The following TBC1D5 variants were observed in gnomAD, a reference collection of about 807,000 sequenced individuals.
The protein encoded by TBC1D5 is TBC1 domain family, member 5.
TBC1D5 carries 75 observed loss-of-function variants against 100.3 expected under a neutral mutation model. That is an observed-to-expected ratio of 0.75 (90% CI 0.62 to 0.91). TBC1D5 has a LOEUF of 0.91. Ranked by LOEUF, TBC1D5 falls within the 40% of genes least tolerant of loss-of-function variation. TBC1D5 has a pLI of 0.00. For missense variants in TBC1D5, 910 were observed against 942.4 expected (o/e 0.97, Z 0.45); for synonymous variants, 323 against 325.6 (o/e 0.99, Z 0.09).
chr3:17,245,900 G>A lies in TBC1D5; in HGVS notation c.1332-7481C>T, dbSNP rs1410620476. On this transcript the variant is annotated intron_variant, in intron 16 of 21. Transcript: ENST00000253692. ...TCCCATAAATAACCATGGTTCACAC[G>A]AGCAGCATCTCTAGAGCATTAGGGA... Among the ~76,000 whole-genome samples the A allele has an allele frequency of 2.0e-5, 3 of 152,164 alleles. No individual in the cohort carries two copies. In the South Asian group the frequency reaches 6.2e-4, roughly 32 times the overall value.
exon 17 of TBC1D5, chr3:17,238,289 T>C (rs960011174): frequency 3.7e-6 from 6 of 1,613,936 alleles, no homozygotes; most frequent in Non-Finnish European, 4.2e-6. Flanking sequence ...GAGGAGCTAC[T>C]GCTGTTGCCT....
intron 2 of TBC1D5, among the ~76,000 whole-genome samples, chr3:17,558,156 A>G (rs80348969): frequency 6.6e-6 from 1 of 152,334 alleles, no homozygotes; most frequent in East Asian, 1.9e-4. Flanking sequence ...ACGAAAGTCA[A>G]CTCTAAAATT....
intron 2 of TBC1D5, among the ~76,000 whole-genome samples, chr3:17,521,269 A>T (rs2096060657): frequency 6.6e-6 from 1 of 152,056 alleles, no homozygotes; most frequent in African/African-American, 2.4e-5. Context: ...TTCTGCATGT[A>T]CCTCTCCTGA....
intron 3 of TBC1D5, among the ~76,000 whole-genome samples, chr3:17,439,247 G>A (rs1222485013): frequency 6.6e-6 from 1 of 152,100 alleles, no homozygotes; most frequent in African/African-American, 2.4e-5. Flanking sequence ...TATTAGATAT[G>A]TCCCATTTTA....
intron 2 of TBC1D5, among the ~76,000 whole-genome samples, chr3:17,577,508 AT>A (rs2096664791): frequency 6.6e-6 from 1 of 151,956 alleles, no homozygotes; most frequent in African/African-American, 2.4e-5. Context: ...GTATTTAGAA[AT>A]TTTTAAAAAC....
intron 2 of TBC1D5, among the ~76,000 whole-genome samples, chr3:17,529,507 G>A (rs1329595578): frequency 2.0e-5 from 3 of 152,044 alleles, no homozygotes; most frequent in Non-Finnish European, 4.4e-5. Context: ...AGGGTGGGGG[G>A]AAGAGGGTAT....
chr3:17,626,983 T>C lies in TBC1D5; in HGVS notation c.-100-3070A>G, dbSNP rs146740257. Reference sequence around the variant, plus strand: ...AGATTGTCTGGGTAAAAGCAATGCTTTAGGAAGATTAATCTGATGGCAATG... The same window carrying C: ...AGATTGTCTGGGTAAAAGCAATGCTCTAGGAAGATTAATCTGATGGCAATG... On this transcript the variant is annotated intron_variant, in intron 1 of 21. Transcript: ENST00000253692. Among the ~76,000 whole-genome samples the C allele has an allele frequency of 1.6e-4, 25 of 152,138 alleles. No homozygotes were observed. In the East Asian group the frequency reaches 4.8e-3, roughly 29 times the overall value.
chr3:17,654,595 C>A (rs891495393), intron 1 of TBC1D5, among the ~76,000 whole-genome samples: 1 of 152,202 alleles, frequency 6.6e-6, no homozygotes, highest in African/African-American at 2.4e-5. Context: ...CATCAATGTT[C>A]ATCAAGGATA....
chr3:17,518,297 C>A (rs1212908534), intron 2 of TBC1D5, among the ~76,000 whole-genome samples: 1 of 152,162 alleles, frequency 6.6e-6, no homozygotes, highest in East Asian at 1.9e-4. Context: ...CATGGCCCAC[C>A]CTGCCCCTTC....
At chr3:17,580,551 A>G (rs963878942) in intron 2 of TBC1D5, among the ~76,000 whole-genome samples, 1 of 152,058 alleles carries the variant, frequency 6.6e-6, no homozygotes, top group Non-Finnish European at 1.5e-5. Context: ...TGATCTCTCT[A>G]CTTGTACACA....
At chr3:17,247,951 T>G (rs1011641236) in intron 16 of TBC1D5, among the ~76,000 whole-genome samples, 13 of 152,084 alleles carry the variant, frequency 8.5e-5, no homozygotes, top group African/African-American at 2.7e-4. Flanking sequence ...TCTAGTTCTC[T>G]TGCTATTTTC....
chr3:17,692,541 A>T (rs1359530815), intron 1 of TBC1D5, among the ~76,000 whole-genome samples: 1 of 152,238 alleles, frequency 6.6e-6, no homozygotes, highest in African/African-American at 2.4e-5. Flanking sequence ...AGAATAAAAG[A>T]GGTCTAAACA....
At chr3:17,558,698 T>C (rs1196757287) in intron 2 of TBC1D5, among the ~76,000 whole-genome samples, 2 of 152,188 alleles carry the variant, frequency 1.3e-5, no homozygotes, top group Non-Finnish European at 2.9e-5. Context: ...ATAGTAAATA[T>C]CTTAGGCTCT....
chr3:17,379,103 T>C (rs988710409), intron 9 of TBC1D5, among the ~76,000 whole-genome samples: 4 of 151,808 alleles, frequency 2.6e-5, no homozygotes, highest in Non-Finnish European at 4.4e-5. Flanking sequence ...CTTTTTTTTT[T>C]CAAATTTATC....
chr3:17,515,278 T>A (rs1011291711), intron 2 of TBC1D5, among the ~76,000 whole-genome samples: 1 of 152,158 alleles, frequency 6.6e-6, no homozygotes, highest in South Asian at 2.1e-4. Flanking sequence ...TGTGGGGCAA[T>A]CCTTCTAAAA....
chr3:17,721,459 A>ATG lies in TBC1D5; in HGVS notation c.-101+17882_-101+17883dup, dbSNP rs59017875. Among the ~76,000 whole-genome samples the ATG allele has an allele frequency of 8.8e-3, 1,308 of 149,022 alleles. 9 individuals carry two copies. Among genetic ancestry groups the ATG allele is most frequent in the Middle Eastern group, 0.024 (7 of 292 alleles). Reference sequence around the variant, plus strand: ...GACAGAAAAGTAAGTGTGTGAGAGCATGTGTGTGTGTGTGTGTGTGTGTGT... The same window carrying ATG: ...GACAGAAAAGTAAGTGTGTGAGAGCATGTGTGTGTGTGTGTGTGTGTGTGTGT... On this transcript the variant is annotated intron_variant, in intron 1 of 21. Transcript: ENST00000253692.
chr3:17,276,216 G>A (rs2079995341), intron 15 of TBC1D5, among the ~76,000 whole-genome samples: 2 of 152,178 alleles, frequency 1.3e-5, no homozygotes, highest in Non-Finnish European at 2.9e-5. Context: ...CGTGGTGGAA[G>A]GGGTGAGCTA....
At chr3:17,231,550 T>C (rs1397813653) in intron 17 of TBC1D5, among the ~76,000 whole-genome samples, 2 of 152,200 alleles carry the variant, frequency 1.3e-5, no homozygotes. Flanking sequence ...ACTTACTTTA[T>C]TTCTTGAAAT....
At chr3:17,239,758 T>C (rs2076159929) in intron 16 of TBC1D5, among the ~76,000 whole-genome samples, 1 of 125,762 alleles carries the variant, frequency 8.0e-6, no homozygotes, top group African/African-American at 2.9e-5. Context: ...CAAGTTAACA[T>C]TTGTTAGATG....
Sources: gnomAD v4.1 joint callset for allele counts (sites outside exome capture counted in the v4.1 genomes callset) on GRCh38, gnomAD v4.1.1 for gene constraint, MANE v1.5 for transcripts, NCBI Gene and HGNC (gene_info 2026-07-23, HGNC 2026-07-21) for gene names.